The following ARID4B variants were observed in gnomAD, a reference collection of about 807,000 sequenced individuals.
ARID4B encodes the protein AT-rich interaction domain 4B, also known as AT-rich interactive domain-containing protein 4B.
ARID4B carries 26 observed loss-of-function variants against 147.5 expected under a neutral mutation model. The ratio of observed to expected loss-of-function variants is 0.18; its 90% CI spans 0.13 to 0.24. The LOEUF is 0.24. Among genes scored for constraint, ARID4B ranks in the 10% least tolerant of loss-of-function variants. ARID4B has a pLI of 1.00. For missense variants in ARID4B, 1,179 were observed against 1,511.5 expected (o/e 0.78, Z 3.65); for synonymous variants, 512 against 507.9 (o/e 1.01, Z -0.11).
intron 17 of ARID4B, among the ~76,000 whole-genome samples, chr1:235,204,416 C>T (rs763872967): frequency 2.0e-4 from 31 of 152,106 alleles, no homozygotes; most frequent in Non-Finnish European, 3.7e-4. Context: ...AGAGAGACAG[C>T]GATGGTATTC....
At chr1:235,209,563 G>GTTTTTTTTTTTTTTTTTTTTTT (rs374681138) in intron 17 of ARID4B, among the ~76,000 whole-genome samples, 2 of 137,158 alleles carry the variant, frequency 1.5e-5, no homozygotes, top group Admixed American at 7.2e-5. Context: ...TTTGTTTTTT[G>GTTTTTTTTTTTTTTTTTTTTTT]TTTTGTTTTT....
intron 2 of ARID4B, among the ~76,000 whole-genome samples, chr1:235,316,202 T>C (rs1358429009): frequency 6.6e-6 from 1 of 152,154 alleles, no homozygotes; most frequent in Non-Finnish European, 1.5e-5. Context: ...GCAATTCACA[T>C]TGAGTATCCC....
At chr1:235,175,482 C>A (rs1247691049) in intron 21 of ARID4B, 83 bp from the exon 22 acceptor site, 54 of 1,167,284 alleles carry the variant, frequency 4.6e-5, no homozygotes, top group Non-Finnish European at 3.9e-5. Context: ...TAAAATTAGC[C>A]ATTTGAATTT....
At chr1:235,271,968 A>AATAAT (rs113339591) in intron 2 of ARID4B, among the ~76,000 whole-genome samples, 18 of 150,286 alleles carry the variant, frequency 1.2e-4, no homozygotes, top group African/African-American at 3.4e-4. Flanking sequence ...TAATAATAAT[A>AATAAT]AATAATAATA....
At chr1:235,308,980 G>A (rs1307096865) in intron 2 of ARID4B, among the ~76,000 whole-genome samples, 1 of 150,254 alleles carries the variant, frequency 6.7e-6, no homozygotes, top group Non-Finnish European at 1.5e-5. Flanking sequence ...TGCCCAGTCT[G>A]GAAAGTGACG....
chr1:235,175,430 A>G lies in ARID4B; in HGVS notation c.3449-31T>C, dbSNP rs781204590. ...AGAGAAAGAAAAGATTTAATAAACA[A>G]AAATGTAACAATAAATTTGTCACAG... On this transcript the variant is annotated intron_variant, in intron 21 of 23. Coordinates refer to ENST00000264183, the MANE Select transcript of ARID4B (RefSeq NM_016374.6). 4 of 1,520,336 alleles carry G rather than the reference A, an allele frequency of 2.6e-6. No homozygotes were observed. In the South Asian group the frequency reaches 3.5e-5, roughly 13 times the overall value. The allele number at this position is 1,520,336 out of a possible 1,614,324, so 94.2% of individuals were successfully genotyped here. A position where few individuals can be genotyped will look rare whatever the true frequency, so the allele number is the denominator to read the frequency against.
At chr1:235,289,627 G>A (rs1672198323) in intron 2 of ARID4B, among the ~76,000 whole-genome samples, 1 of 151,652 alleles carries the variant, frequency 6.6e-6, no homozygotes, top group Non-Finnish European at 1.5e-5. Flanking sequence ...AGGAGGTTGA[G>A]GTGGGAGGAT....
chr1:235,224,316 G>A (rs1667689121), intron 12 of ARID4B, among the ~76,000 whole-genome samples: 1 of 152,122 alleles, frequency 6.6e-6, no homozygotes, highest in South Asian at 2.1e-4. Context: ...CAATCCTTCC[G>A]TGGCCTTAGC....
At chr1:235,213,671 A>G in intron 17 of ARID4B, 98 bp downstream of exon 17, 1 of 1,315,132 alleles carries the variant, frequency 7.6e-7, no homozygotes, top group Non-Finnish European at 1.0e-6. Context: ...CCTCAATTAG[A>G]ATACTAATAA....
chr1:235,228,644 C>A (rs1158854302), intron 11 of ARID4B: 2 of 135,604 alleles, frequency 1.5e-5, no homozygotes, highest in Non-Finnish European at 3.2e-5. Flanking sequence ...TGTTTTTGTT[C>A]TCGTTTTTTT....
chr1:235,168,368 TA>T lies in ARID4B; in HGVS notation c.*156del. 1.3e-6 allele frequency: 1 copy of T among 759,858 alleles called. No homozygotes were observed. The highest frequency in any genetic ancestry group is 2.0e-6 in the Non-Finnish European group (1 of 506,592). The allele number at this position is 759,858 out of a possible 1,614,324, so 47.1% of individuals were successfully genotyped here. On this transcript the variant is annotated 3_prime_UTR_variant, in exon 24 of 24. Transcript: ENST00000264183. ...AGCAGTTCATTGTACTTTTTCTTCA[TA>T]AAAAAGTGCACTTAAGTGCCAAGTC... is the stretch of plus-strand genomic sequence containing the variant.
chr1:235,267,277 AAAAAC>A (rs963787580), intron 2 of ARID4B, among the ~76,000 whole-genome samples: 1 of 152,212 alleles, frequency 6.6e-6, no homozygotes, highest in African/African-American at 2.4e-5. Flanking sequence ...GGCTCTGTCA[AAAAAC>A]AAAACAAAAC....
rs566928388 is a variant in ARID4B at position 235,301,941 on chromosome 1, C to G, written c.6+24973G>C. ...CTCCTGACCTCAGGTGATCCGCCCACCTCGGCCTCCCAAAGTGCTAGGATT... is the reference window on the plus strand; with the variant it reads ...CTCCTGACCTCAGGTGATCCGCCCAGCTCGGCCTCCCAAAGTGCTAGGATT... On this transcript the variant is annotated intron_variant, in intron 2 of 23. Transcript: ENST00000264183. Among the ~76,000 whole-genome samples, 308 of 151,688 alleles carry G rather than the reference C, an allele frequency of 2.0e-3. 1 individual carries two copies. The highest frequency in any genetic ancestry group is 2.7e-3 in the Non-Finnish European group (180 of 67,872).
intron 6 of ARID4B, among the ~76,000 whole-genome samples, chr1:235,249,730 A>G (rs1460043953): frequency 6.6e-6 from 1 of 151,788 alleles, no homozygotes; most frequent in Non-Finnish European, 1.5e-5. Context: ...TCACGAGGTC[A>G]AGAGATCGAG....
Position 235,231,479 on chromosome 1 carries a change from TTTTTG to T in ARID4B, c.666-295_666-291del, listed in dbSNP as rs369729827. ...TGCCCAAATGCAACACTGAAAACTTTTTTTGTTTTGTTTTGTTTTGTTTTTGAGAC... is the reference window on the plus strand; with the variant it reads ...TGCCCAAATGCAACACTGAAAACTTTTTTTGTTTTGTTTTGTTTTTGAGAC... On this transcript the variant is annotated intron_variant, in intron 9 of 23. Transcript: ENST00000264183. 3.8e-3 allele frequency among the ~76,000 whole-genome samples: 580 copies of T among 152,196 alleles called. 4 individuals carry two copies. Among genetic ancestry groups the T allele is most frequent in the African/African-American group, 0.013 (542 of 41,520 alleles).
At chr1:235,239,646 T>C (rs1427252256) in intron 8 of ARID4B, among the ~76,000 whole-genome samples, 3 of 152,192 alleles carry the variant, frequency 2.0e-5, no homozygotes, top group African/African-American at 7.2e-5. Context: ...TTCTGTCATG[T>C]CTTAACAGTT....
intron 2 of ARID4B, among the ~76,000 whole-genome samples, chr1:235,262,514 T>C (rs1670355820): frequency 6.6e-6 from 1 of 152,212 alleles, no homozygotes; most frequent in African/African-American, 2.4e-5. Context: ...AACTTTACAT[T>C]GCTGTTGTAC....
At chr1:235,245,258 T>C (rs955379751) in intron 7 of ARID4B, among the ~76,000 whole-genome samples, 1 of 152,220 alleles carries the variant, frequency 6.6e-6, no homozygotes, top group Non-Finnish European at 1.5e-5. Flanking sequence ...AAATGCGTGC[T>C]TTATTCTCAT....
intron 11 of ARID4B, among the ~76,000 whole-genome samples, chr1:235,226,346 G>C (rs1313044255): frequency 6.6e-6 from 1 of 152,098 alleles, no homozygotes; most frequent in Non-Finnish European, 1.5e-5. Context: ...ATAAGGAGCA[G>C]TAGTAATTCT....
Sources: gnomAD v4.1 joint callset for allele counts (sites outside exome capture counted in the v4.1 genomes callset) on GRCh38, gnomAD v4.1.1 for gene constraint, MANE v1.5 for transcripts, NCBI Gene and HGNC (gene_info 2026-07-23, HGNC 2026-07-21) for gene names.